The following LRP1B variants were observed in gnomAD, a reference collection of about 807,000 sequenced individuals.
The protein encoded by LRP1B is LDL receptor related protein 1B.
Under a neutral mutation model 556.6 loss-of-function variants are expected in LRP1B, and 217 were observed. The observed-to-expected ratio is 0.39, with a 90% CI of 0.35 to 0.44. The LOEUF (loss-of-function observed/expected upper bound fraction) is 0.44. LRP1B is among the 20% of genes least tolerant of loss of function. The probability of loss-of-function intolerance (pLI) is 1.00; values close to 1 mark genes in which losing one functional copy is unlikely to be tolerated. For missense variants in LRP1B, 5,053 were observed against 5,620.8 expected (o/e 0.90, Z 3.23); for synonymous variants, 2,047 against 1,865.8 (o/e 1.10, Z -2.50).
intron 37 of LRP1B, among the ~76,000 whole-genome samples, chr2:140,704,762 T>G (rs571802739): frequency 4.7e-4 from 71 of 152,236 alleles, no homozygotes; most frequent in African/African-American, 1.7e-3. Flanking sequence ...AATCTGATTC[T>G]TATCATCTAT....
At chr2:142,102,775 A>C (rs1706614894) in intron 1 of LRP1B, among the ~76,000 whole-genome samples, 1 of 151,842 alleles carries the variant, frequency 6.6e-6, no homozygotes, top group South Asian at 2.1e-4. Context: ...GGTATAATGC[A>C]AAAACTCATA....
At position 140,310,382 on chromosome 2, in the gene LRP1B, TAGAAAAAGCAATC is replaced by T. The variant is rs1187016706; in HGVS notation, c.12805+4540_12805+4552del. 3.8e-5 allele frequency among the ~76,000 whole-genome samples: 5 copies of T among 130,916 alleles called. No homozygotes were observed. The East Asian group carries it at 1.1e-3, about 28-fold the overall frequency. The allele number at this position is 130,916 out of a possible 152,430, so 85.9% of individuals were successfully genotyped here. On this transcript the variant is annotated intron_variant, in intron 83 of 90. Coordinates refer to ENST00000389484, the MANE Select transcript of LRP1B (RefSeq NM_018557.3). The stretch of plus-strand genomic sequence containing the variant: ...ATACCAATGCCATTTTTCCCAGAAT[TAGAAAAAGCAATC>T]CTAAAATTCATACGGAACCAAAAAA...
At chr2:140,424,920 T>C (rs953106626) in intron 66 of LRP1B, among the ~76,000 whole-genome samples, 2 of 152,234 alleles carry the variant, frequency 1.3e-5, no homozygotes, top group African/African-American at 4.8e-5. Context: ...TTTGGTAGGC[T>C]AGTGTCAAAT....
chr2:141,667,165 C>T (rs1690474437), intron 2 of LRP1B, among the ~76,000 whole-genome samples: 1 of 152,148 alleles, frequency 6.6e-6, no homozygotes, highest in Admixed American at 6.5e-5. Flanking sequence ...CCGTACTGTA[C>T]TTACCAAATG....
At chr2:141,496,731 A>T (rs1239875784) in intron 2 of LRP1B, among the ~76,000 whole-genome samples, 1 of 151,986 alleles carries the variant, frequency 6.6e-6, no homozygotes, top group African/African-American at 2.4e-5. Context: ...ACTACATAGG[A>T]ATTTGCTTGT....
At chr2:140,506,950 A>T (rs759993008) in intron 52 of LRP1B, 32 bp from the exon 53 acceptor site, 3 of 1,605,966 alleles carry the variant, frequency 1.9e-6, no homozygotes, top group Non-Finnish European at 2.6e-6. Flanking sequence ...ATAAAGTTAG[A>T]TGAGCACATA....
At chr2:141,106,024 T>C (rs1010805142) in intron 7 of LRP1B, among the ~76,000 whole-genome samples, 3 of 152,168 alleles carry the variant, frequency 2.0e-5, no homozygotes, top group African/African-American at 4.8e-5. Flanking sequence ...CTGTCCAGAA[T>C]AGAAAGTTGC....
At chr2:141,504,917 A>G (rs1683866762) in intron 2 of LRP1B, among the ~76,000 whole-genome samples, 1 of 152,152 alleles carries the variant, frequency 6.6e-6, no homozygotes, top group Non-Finnish European at 1.5e-5. Flanking sequence ...CTAGTGATCA[A>G]TAGTTGAATG....
At chr2:140,814,171 G>A (rs764241145) in intron 31 of LRP1B, among the ~76,000 whole-genome samples, 37 of 151,704 alleles carry the variant, frequency 2.4e-4, no homozygotes, top group African/African-American at 8.5e-4. Context: ...AATAAAAGGG[G>A]CTCACTATTT....
rs70994471 is a variant in LRP1B, at chr2:142,015,991, C to CAAAAAAAAAAAAAAAAAA, written c.82+114639_82+114656dup. ...TGGGCAACAGCGCGAGACTCCATCTCAAAAAAAAAAAAAAAAAAAAAGTGG... is the reference window on the plus strand; with the variant it reads ...TGGGCAACAGCGCGAGACTCCATCTCAAAAAAAAAAAAAAAAAAAAAAAAAAAAAAAAAAAAAAAGTGG... On this transcript the variant is annotated intron_variant, in intron 1 of 90. Coordinates refer to ENST00000389484, the MANE Select transcript of LRP1B (RefSeq NM_018557.3). 1.7e-3 allele frequency among the ~76,000 whole-genome samples: 65 copies of CAAAAAAAAAAAAAAAAAA among 38,794 alleles called. 12 individuals are homozygous for CAAAAAAAAAAAAAAAAAA. The highest frequency in any genetic ancestry group is 0.013 in the East Asian group (9 of 694). The allele number at this position is 38,794 out of a possible 152,430, so 25.5% of individuals were successfully genotyped here. A position where few individuals can be genotyped will look rare whatever the true frequency, so the allele number is the denominator to read the frequency against.
At chr2:140,623,956 G>GTATGTATATATA (rs1553501210) in intron 41 of LRP1B, among the ~76,000 whole-genome samples, 1 of 106,436 alleles carries the variant, frequency 9.4e-6, no homozygotes, top group African/African-American at 3.4e-5. Flanking sequence ...TTTTATTTAT[G>GTATGTATATATA]TATATATATA....
intron 11 of LRP1B, among the ~76,000 whole-genome samples, chr2:141,037,905 A>AAC (rs3061748): frequency 0.017 from 2,542 of 151,000 alleles, 59 homozygotes; most frequent in East Asian, 0.082. Flanking sequence ...CTCACATACA[A>AAC]ACACACACAC....
At position 141,295,746 on chromosome 2, in the gene LRP1B, A is replaced by AACACACACACACACACACACACACAC. The variant is rs376812743; in HGVS notation, c.344-41131_344-41106dup. Among the ~76,000 whole-genome samples, 115 of 130,600 alleles carry AACACACACACACACACACACACACAC rather than the reference A, an allele frequency of 8.8e-4. 2 individuals are homozygous for AACACACACACACACACACACACACAC. The highest frequency in any genetic ancestry group is 3.7e-3 in the East Asian group (15 of 4,078). 85.7% of individuals were successfully genotyped at this position (130,600 alleles called of 152,430 possible). A position where few individuals can be genotyped will look rare whatever the true frequency, so the allele number is the denominator to read the frequency against. Reference sequence around the variant, plus strand: ...ACTCCAACTTTACTATGAGGAGAGAAACACACACACACACACACACACACA... The same window carrying AACACACACACACACACACACACACAC: ...ACTCCAACTTTACTATGAGGAGAGAAACACACACACACACACACACACACACACACACACACACACACACACACACA... On this transcript the variant is annotated intron_variant, in intron 3 of 90. Transcript: ENST00000389484.
chr2:140,562,760 A>T (rs1680977537), intron 43 of LRP1B, among the ~76,000 whole-genome samples: 1 of 151,980 alleles, frequency 6.6e-6, no homozygotes, highest in South Asian at 2.1e-4. Flanking sequence ...AGCTGGATTT[A>T]CAGGCATGCA....
At chr2:141,458,250 T>C (rs1398316068) in intron 3 of LRP1B, among the ~76,000 whole-genome samples, 2 of 152,130 alleles carry the variant, frequency 1.3e-5, no homozygotes, top group Non-Finnish European at 2.9e-5. Context: ...ACAATATGTG[T>C]TTTGAAGTGT....
At chr2:140,519,510 A>G (rs1474482848) in intron 49 of LRP1B, among the ~76,000 whole-genome samples, 1 of 152,202 alleles carries the variant, frequency 6.6e-6, no homozygotes, top group Non-Finnish European at 1.5e-5. Context: ...TAAAAACCCT[A>G]GAAGAAAACC....
chr2:140,614,429 G>A (rs1683187821), intron 41 of LRP1B, among the ~76,000 whole-genome samples: 1 of 151,862 alleles, frequency 6.6e-6, no homozygotes, highest in Admixed American at 6.6e-5. Flanking sequence ...AAGGAAACCT[G>A]TTTATTATGG....
intron 3 of LRP1B, among the ~76,000 whole-genome samples, chr2:141,365,802 A>T (rs1197024136): frequency 6.6e-6 from 1 of 151,182 alleles, no homozygotes; most frequent in Non-Finnish European, 1.5e-5. Context: ...CCTCCTGAGT[A>T]GCTGGGACTA....
intron 2 of LRP1B, among the ~76,000 whole-genome samples, chr2:141,521,947 A>G (rs1684543018): frequency 6.6e-6 from 1 of 152,124 alleles, no homozygotes; most frequent in South Asian, 2.1e-4. Context: ...TTATATAGGC[A>G]TTCAATTGCC....
Sources: allele counts gnomAD v4.1 joint callset (sites outside exome capture counted in the v4.1 genomes callset), GRCh38; gene constraint gnomAD v4.1.1; transcripts MANE v1.5; gene names NCBI Gene and HGNC (gene_info 2026-07-23, HGNC 2026-07-21).